Variants in AKAP6 observed in about 807,000 individuals in gnomAD.
AKAP6 encodes the protein A-kinase anchor protein 6.
Under a neutral mutation model 188.5 loss-of-function variants are expected in AKAP6, and 58 were observed. The observed-to-expected ratio is 0.31, with a 90% confidence interval of 0.25 to 0.38. The LOEUF is 0.38. AKAP6 is among the 10% of genes least tolerant of loss of function. AKAP6 has a pLI of 1.00. For missense variants in AKAP6, 2,710 were observed against 2,740.0 expected, an observed-to-expected ratio of 0.99 and a Z score of 0.24; for synonymous variants, 989 against 998.6, an observed-to-expected ratio of 0.99 and a Z score of 0.18.
At chr14:32,609,360 T>C (rs1339885437) in intron 7 of AKAP6, among the ~76,000 whole-genome samples, 1 of 152,216 alleles carries the variant, frequency 6.6e-6, no homozygotes, top group Non-Finnish European at 1.5e-5. Flanking sequence ...TTTAAGGTAC[T>C]GTACTGCTCT....
intron 11 of AKAP6, among the ~76,000 whole-genome samples, chr14:32,764,833 G>A (rs537453758): frequency 2.9e-4 from 44 of 151,922 alleles, no homozygotes; most frequent in African/African-American, 1.0e-3. Context: ...ATTACTGCTG[G>A]AGATTAGTGA....
At chr14:32,602,490 G>A (rs1310681755) in intron 7 of AKAP6, among the ~76,000 whole-genome samples, 1 of 152,078 alleles carries the variant, frequency 6.6e-6, no homozygotes, top group African/African-American at 2.4e-5. Flanking sequence ...GAGAGATCCT[G>A]TCTCTAAAAA....
At chr14:32,555,896 G>A (rs2383341) in intron 4 of AKAP6, among the ~76,000 whole-genome samples, 69,714 of 151,842 alleles carry the variant, frequency 0.46, 16,852 homozygotes, top group African/African-American at 0.61. Flanking sequence ...TAATGCTGCT[G>A]TGAACATGGG....
intron 1 of AKAP6, among the ~76,000 whole-genome samples, chr14:32,335,252 G>A (rs1886653362): frequency 6.6e-6 from 1 of 152,158 alleles, no homozygotes; most frequent in Admixed American, 6.6e-5. Flanking sequence ...GCACTGAGAA[G>A]GGCCCACACT....
At chr14:32,386,153 C>T (rs1230065448) in intron 1 of AKAP6, among the ~76,000 whole-genome samples, 1 of 151,884 alleles carries the variant, frequency 6.6e-6, no homozygotes, top group East Asian at 1.9e-4. Flanking sequence ...AATGGTAGTT[C>T]TACTTTTAGT....
intron 11 of AKAP6, among the ~76,000 whole-genome samples, chr14:32,746,002 T>A (rs1316876673): frequency 6.6e-6 from 1 of 152,076 alleles, no homozygotes; most frequent in Non-Finnish European, 1.5e-5. Context: ...CCCTTAAGAT[T>A]CAAGGGCTCT....
At chr14:32,539,992 G>A (rs1882847756) in intron 3 of AKAP6, among the ~76,000 whole-genome samples, 2 of 151,546 alleles carry the variant, frequency 1.3e-5, no homozygotes, top group Non-Finnish European at 2.9e-5. Context: ...TTCAGTTGGT[G>A]GCGAAACATA....
intron 7 of AKAP6, among the ~76,000 whole-genome samples, chr14:32,634,875 C>G (rs1887420309): frequency 6.6e-6 from 1 of 151,568 alleles, no homozygotes; most frequent in Non-Finnish European, 1.5e-5. Flanking sequence ...GATTAGTTTT[C>G]TTTTCTTTTT....
chr14:32,488,095 A>G (rs1879800832), intron 2 of AKAP6, among the ~76,000 whole-genome samples: 3 of 152,216 alleles, frequency 2.0e-5, no homozygotes, highest in African/African-American at 2.4e-5. Context: ...GCTGGCAGGC[A>G]GGCAAATTTA....
At chr14:32,674,515 C>T (rs1296550487) in intron 7 of AKAP6, among the ~76,000 whole-genome samples, 18 of 152,128 alleles carry the variant, frequency 1.2e-4, no homozygotes, top group Non-Finnish European at 2.9e-5. Flanking sequence ...TAGGGAATAA[C>T]CTGCTAAAGG....
intron 12 of AKAP6, among the ~76,000 whole-genome samples, chr14:32,819,393 G>A (rs1188804690): frequency 1.3e-5 from 2 of 152,160 alleles, no homozygotes; most frequent in East Asian, 1.9e-4. Flanking sequence ...CATGCTGCAG[G>A]TGACGCTTTT....
chr14:32,508,613 A>C (rs1880990937), intron 2 of AKAP6, among the ~76,000 whole-genome samples: 1 of 152,210 alleles, frequency 6.6e-6, no homozygotes, highest in South Asian at 2.1e-4. Flanking sequence ...AGGATTGACC[A>C]CATAAATGTT....
intron 5 of AKAP6, among the ~76,000 whole-genome samples, chr14:32,583,757 G>T (rs917626139): frequency 1.3e-5 from 2 of 151,948 alleles, no homozygotes; most frequent in Admixed American, 6.5e-5. Context: ...GCGAGACTCC[G>T]TGGGCGTAGG....
chr14:32,510,404 G>GTGTA (rs368983684), intron 2 of AKAP6, among the ~76,000 whole-genome samples: 3 of 74,752 alleles, frequency 4.0e-5, no homozygotes, highest in African/African-American at 1.2e-4. Flanking sequence ...GTATATATAT[G>GTGTA]TATATATATG....
Position 32,822,387 on chromosome 14 carries a change from A to G in AKAP6, c.4574A>G (p.His1525Arg). ...TTELQPDVPP[H>R]ERILASASHE... ...GAGTTACAACCAGATGTACCTCCCC[A>G]TGAAAGGATTTTGGCAAGTGCATCT... The change falls in exon 13 of 14, where the codon CAT becomes CGT. Residue 1525 changes from histidine to arginine, a missense_variant. Physicochemically the swap from His to Arg is conservative, Grantham distance 29. Coordinates refer to ENST00000280979, the MANE Select transcript of AKAP6 (RefSeq NM_004274.5). 6.2e-7 allele frequency: 1 copy of G among 1,613,990 alleles called. No individual in the cohort carries two copies. The highest frequency in any genetic ancestry group is 1.1e-5 in the South Asian group (1 of 91,080).
chr14:32,686,036 T>C (rs1362008853), intron 8 of AKAP6, among the ~76,000 whole-genome samples: 1 of 152,216 alleles, frequency 6.6e-6, no homozygotes, highest in Admixed American at 6.5e-5. Flanking sequence ...TGGAAGCAAC[T>C]TAAGTGTCCA....
At chr14:32,364,783 C>T (rs1010096187) in intron 1 of AKAP6, among the ~76,000 whole-genome samples, 1 of 152,072 alleles carries the variant, frequency 6.6e-6, no homozygotes, top group South Asian at 2.1e-4. Flanking sequence ...AGGAAGACTA[C>T]TTTTTTAGAT....
At chr14:32,778,232 C>T (rs2033128180) in intron 12 of AKAP6, among the ~76,000 whole-genome samples, 1 of 152,168 alleles carries the variant, frequency 6.6e-6, no homozygotes, top group Admixed American at 6.5e-5. Context: ...AGATGGAAAC[C>T]TGGATAAGCA....
intron 1 of AKAP6, among the ~76,000 whole-genome samples, chr14:32,384,900 T>A (rs546211984): frequency 6.6e-6 from 1 of 152,212 alleles, no homozygotes; most frequent in Non-Finnish European, 1.5e-5. Context: ...GGATGATGCC[T>A]ATAATGAAAG....
Sources: gnomAD v4.1 joint callset for allele counts (sites outside exome capture counted in the v4.1 genomes callset) on GRCh38, gnomAD v4.1.1 for gene constraint, MANE v1.5 for transcripts, NCBI Gene and HGNC (gene_info 2026-07-23, HGNC 2026-07-21) for gene names.